Variants in MYOCD observed in about 807,000 individuals in gnomAD.
MYOCD encodes myocardin.
Under a neutral mutation model 96.1 loss-of-function variants are expected in MYOCD, and 32 were observed. The observed-to-expected ratio is 0.33, with a 90% CI of 0.25 to 0.45. The LOEUF (loss-of-function observed/expected upper bound fraction) is 0.45. Ranked by LOEUF, MYOCD falls within the 20% of genes least tolerant of loss-of-function variation. MYOCD has a pLI of 1.00. For missense variants in MYOCD, 1,133 were observed against 1,200.6 expected (o/e 0.94, Z 0.83); for synonymous variants, 469 against 469.0 (o/e 1.00, Z 0.00).
At position 12,694,881 on chromosome 17, in the gene MYOCD, CAAAAAA is replaced by C. The variant is rs201215491; in HGVS notation, c.56-10230_56-10225del. On this transcript the variant is annotated intron_variant, in intron 1 of 13. Transcript: ENST00000425538. ...ATGGTTCAATGACTTAAGGAATAAC[CAAAAAA>C]AAAAAAAAAAAAAAAAGGAAAGAAA... 8.3e-3 allele frequency among the ~76,000 whole-genome samples: 576 copies of C among 69,642 alleles called. 2 individuals are homozygous for C. The highest frequency in any genetic ancestry group is 9.7e-3 in the Non-Finnish European group (334 of 34,590). 45.7% of individuals were successfully genotyped at this position (69,642 alleles called of 152,430 possible).
At chr17:12,699,892 C>CTT (rs36068735) in intron 1 of MYOCD, among the ~76,000 whole-genome samples, 1 of 131,798 alleles carries the variant, frequency 7.6e-6, no homozygotes, top group African/African-American at 2.8e-5. Flanking sequence ...ATATATATTT[C>CTT]TTTTTTTTTT....
At chr17:12,712,636 C>T (rs1393813357) in intron 2 of MYOCD, among the ~76,000 whole-genome samples, 1 of 152,182 alleles carries the variant, frequency 6.6e-6, no homozygotes, top group Non-Finnish European at 1.5e-5. Context: ...TTAGCGATAG[C>T]TTTGGGGACA....
chr17:12,666,157 G>A lies in MYOCD; in HGVS notation c.-32G>A, dbSNP rs746157829. The A allele has an allele frequency of 6.2e-7, 1 of 1,600,944 alleles. No homozygotes were observed. Among genetic ancestry groups the A allele is most frequent in the Non-Finnish European group, 8.6e-7 (1 of 1,168,700 alleles). ...GCTGGTGGAGAACAGGGGGCGCCTG[G>A]CCAAGGGACCAGCGGCTTGCTGAGA... On this transcript the variant is annotated 5_prime_UTR_variant, in exon 1 of 14. Transcript: ENST00000425538.
At chr17:12,715,990 T>C (rs2150683631) in intron 3 of MYOCD, among the ~76,000 whole-genome samples, 1 of 152,372 alleles carries the variant, frequency 6.6e-6, no homozygotes, top group South Asian at 2.1e-4. Context: ...AACTCATTTG[T>C]AGCTACTTAA....
In MYOCD at chr17:12,763,311, TGGGAGCGAA is replaced by T; in HGVS notation, c.2630_2638del (p.Gly877_Glu879del). ...TGAGTGATGTCACCCTTCTAAAAAT[TGGGAGCGAA>T]GAGCCTCACTTTGATGGGATAATGG... On this transcript the variant is annotated inframe_deletion, in exon 14 of 14. Coordinates refer to ENST00000425538, the MANE Select transcript of MYOCD (RefSeq NM_001146312.3). 4 of 1,609,370 alleles carry T rather than the reference TGGGAGCGAA, an allele frequency of 2.5e-6. No homozygotes were observed. Among genetic ancestry groups the T allele is most frequent in the Non-Finnish European group, 3.4e-6 (4 of 1,178,094 alleles).
At chr17:12,719,921 C>T (rs2031780558) in intron 4 of MYOCD, among the ~76,000 whole-genome samples, 1 of 150,960 alleles carries the variant, frequency 6.6e-6, no homozygotes, top group Admixed American at 6.6e-5. Context: ...AAAGAATTCT[C>T]GGTGGAATTT....
chr17:12,715,378 G>C (rs2031608273), intron 2 of MYOCD, 141 bp from the exon 3 acceptor site: 2 of 572,198 alleles, frequency 3.5e-6, no homozygotes, highest in African/African-American at 3.8e-5. Flanking sequence ...CTCCAGGCCT[G>C]TCCTCTCTCA....
chr17:12,748,304 T>C (rs569043303), intron 9 of MYOCD, among the ~76,000 whole-genome samples: 108 of 152,258 alleles, frequency 7.1e-4, no homozygotes, highest in Non-Finnish European at 1.4e-3. Context: ...TGTTATTATA[T>C]TATGGCTTTT....
intron 1 of MYOCD, among the ~76,000 whole-genome samples, chr17:12,670,063 G>A (rs2150625550): frequency 6.6e-6 from 1 of 152,238 alleles, no homozygotes; most frequent in Admixed American, 6.5e-5. Context: ...AAGAACATGG[G>A]AGCTTCACCT....
chr17:12,715,818 T>C (rs1013451381), intron 3 of MYOCD, among the ~76,000 whole-genome samples: 3 of 152,200 alleles, frequency 2.0e-5, no homozygotes, highest in Non-Finnish European at 4.4e-5. Context: ...TTTTCTAATG[T>C]TGGAAGAAAT....
intron 1 of MYOCD, among the ~76,000 whole-genome samples, chr17:12,689,227 T>C (rs1158014934): frequency 6.6e-6 from 1 of 152,184 alleles, no homozygotes; most frequent in Non-Finnish European, 1.5e-5. Flanking sequence ...CAGGAATATA[T>C]AGCACTGCTA....
At chr17:12,688,442 C>T (rs528406025) in intron 1 of MYOCD, among the ~76,000 whole-genome samples, 1 of 152,180 alleles carries the variant, frequency 6.6e-6, no homozygotes, top group Admixed American at 6.5e-5. Context: ...TCCTTTCCTT[C>T]CTTCCATCTC....
intron 2 of MYOCD, among the ~76,000 whole-genome samples, chr17:12,706,603 G>T (rs2031298284): frequency 6.6e-6 from 1 of 152,280 alleles, no homozygotes; most frequent in Admixed American, 6.5e-5. Flanking sequence ...TCTTGCAGCT[G>T]GCATTTGGCT....
In MYOCD at chr17:12,766,847, A is replaced by C. The variant is rs1341431575; in HGVS notation, c.*3203A>C. On this transcript the variant is annotated 3_prime_UTR_variant, in exon 14 of 14. Transcript: ENST00000425538. The stretch of plus-strand genomic sequence containing the variant: ...ATTCATACTTATCTAAAGAAGTCAA[A>C]AAATTTATTCGTGCAAGTGCTTGCA... The C allele has an allele frequency of 1.3e-5, 2 of 152,164 alleles. No individual in the cohort carries two copies. The highest frequency in any genetic ancestry group is 4.8e-5 in the African/African-American group (2 of 41,452). 9.4% of individuals were successfully genotyped at this position (152,164 alleles called of 1,614,324 possible). A position where few individuals can be genotyped will look rare whatever the true frequency, so the allele number is the denominator to read the frequency against.
rs1004767873 is a variant in MYOCD, at chr17:12,665,977, C to T, written c.-212C>T. On this transcript the variant is annotated 5_prime_UTR_variant, in exon 1 of 14. Coordinates refer to ENST00000425538, the MANE Select transcript of MYOCD (RefSeq NM_001146312.3). This position sits in a 1 kb window ranked among gnomAD's most constrained non-coding sequence, Gnocchi z 4.2. ...CCTCCGAGGAGGAGGAGGGTCCCGC[C>T]GGCTAAGAGTTAATTAGCCCCGCAC... The T allele has an allele frequency of 1.5e-5, 8 of 538,772 alleles. No homozygotes were observed. Among genetic ancestry groups the T allele is most frequent in the Admixed American group, 3.3e-5 (1 of 30,296 alleles). The allele number at this position is 538,772 out of a possible 1,614,324, so 33.4% of individuals were successfully genotyped here. A position where few individuals can be genotyped will look rare whatever the true frequency, so the allele number is the denominator to read the frequency against.
intron 1 of MYOCD, chr17:12,672,045 A>C (rs991868892): frequency 1.4e-4 from 22 of 152,170 alleles, no homozygotes; most frequent in Non-Finnish European, 2.9e-5. Context: ...GTGGGAGCCC[A>C]TCTGGGACTC....
In MYOCD at chr17:12,753,071, G is replaced by A. The variant is rs538701790; in HGVS notation, c.1783G>A (p.Glu595Lys). The change falls in exon 10 of 14, where the codon GAG becomes AAG. Residue 595 changes from glutamate (E) to lysine (K), a missense_variant. Transcript: ENST00000425538. ...TGTGAAAAGACAAAGCAGCAGCTCA[G>A]AGTGTCACCCACCGGCTTGTGAAGC... is the stretch of plus-strand genomic sequence containing the variant. ...VPVKRQSSSSECHPPACEAAQ... is the reference protein window; with the variant it reads ...VPVKRQSSSSKCHPPACEAAQ... 1.2e-6 allele frequency: 2 copies of A among 1,614,190 alleles called. No individual in the cohort carries two copies. Among genetic ancestry groups the A allele is most frequent in the South Asian group, 1.1e-5 (1 of 91,082 alleles).
chr17:12,682,186 C>T lies in MYOCD; in HGVS notation c.55+15943C>T, dbSNP rs536123450. ...TACCCCAAAGAGGAACATGTCAGAC[C>T]CACAGATGACACGGGCCACTGGTGG... On this transcript the variant is annotated intron_variant, in intron 1 of 13. Transcript: ENST00000425538. Among the ~76,000 whole-genome samples the T allele has an allele frequency of 5.9e-5, 9 of 152,276 alleles. No individual in the cohort carries two copies. In the East Asian group the frequency reaches 1.4e-3, roughly 23 times the overall value.
chr17:12,665,927 G>C lies in MYOCD; in HGVS notation c.-262G>C. The C allele has an allele frequency of 1.9e-6, 1 of 517,126 alleles. No homozygotes were observed. Among genetic ancestry groups the C allele is most frequent in the South Asian group, 2.8e-5 (1 of 35,782 alleles). The allele number at this position is 517,126 out of a possible 1,614,324, so 32.0% of individuals were successfully genotyped here. ...CCTATGACATCAGACAGGAACGCCT[G>C]GGATGCCGCGCTGCTCCTGGCCAAC... On this transcript the variant is annotated 5_prime_UTR_variant, in exon 1 of 14. Transcript: ENST00000425538. The surrounding 1 kb of genome is among the most constrained non-coding windows in gnomAD (Gnocchi z 4.2).
Sources: gnomAD v4.1 joint callset for allele counts (sites outside exome capture counted in the v4.1 genomes callset) on GRCh38, gnomAD v4.1.1 for gene constraint, Gnocchi (gnomAD v3.1) non-coding constraint, MANE v1.5 for transcripts, NCBI Gene and HGNC (gene_info 2026-07-23, HGNC 2026-07-21) for gene names.